The following FBXL17 variants were observed in gnomAD, a reference collection of about 807,000 sequenced individuals.
The protein encoded by FBXL17 is F-box/LRR-repeat protein 17.
Under a neutral mutation model 66.2 loss-of-function variants are expected in FBXL17, and 22 were observed. The observed-to-expected ratio is 0.33, with a 90% CI of 0.24 to 0.47. The LOEUF (loss-of-function observed/expected upper bound fraction) is 0.47, where lower values mean the gene tolerates loss of function less well. Ranked by LOEUF, FBXL17 falls within the 20% of genes least tolerant of loss-of-function variation. The pLI is 1.00. For missense variants in FBXL17, 878 were observed against 948.2 expected, an observed-to-expected ratio of 0.93 and a Z score of 0.97; for synonymous variants, 474 against 400.5, an observed-to-expected ratio of 1.18 and a Z score of -2.19.
chr5:108,380,875 CGGT>C lies in FBXL17; in HGVS notation c.814_816del (p.Thr272del), dbSNP rs1749815477. 8.1e-7 allele frequency: 1 copy of C among 1,241,720 alleles called. No homozygotes were observed. 76.9% of individuals were successfully genotyped at this position (1,241,720 alleles called of 1,614,324 possible). ...GCTCGGACAGCGTCCCCGCCAGCTT[CGGT>C]GGGGGCACCTTCGGAGGTGGGAGAA... On this transcript the variant is annotated inframe_deletion, in exon 1 of 9. Coordinates refer to ENST00000542267, the MANE Select transcript of FBXL17 (RefSeq NM_001163315.3).
intron 4 of FBXL17, among the ~76,000 whole-genome samples, chr5:108,269,263 A>C (rs973511112): frequency 1.3e-5 from 2 of 152,068 alleles, no homozygotes; most frequent in Non-Finnish European, 2.9e-5. Flanking sequence ...CCTCAAAATA[A>C]TCAATATGCC....
chr5:108,167,561 TGAA>T (rs1277539703), intron 6 of FBXL17, among the ~76,000 whole-genome samples: 1 of 152,220 alleles, frequency 6.6e-6, no homozygotes, highest in Non-Finnish European at 1.5e-5. Context: ...CACAGGTATT[TGAA>T]GAAGTCTTTC....
intron 4 of FBXL17, among the ~76,000 whole-genome samples, chr5:108,306,249 T>G (rs180862398): frequency 1.8e-4 from 27 of 152,196 alleles, no homozygotes; most frequent in African/African-American, 5.8e-4. Context: ...CAAGTAGGCC[T>G]AAAGACTTAA....
intron 6 of FBXL17, among the ~76,000 whole-genome samples, chr5:108,036,506 C>T (rs1746846601): frequency 6.6e-6 from 1 of 152,156 alleles, no homozygotes; most frequent in Admixed American, 6.6e-5. Context: ...TTTAAGTTTG[C>T]AACCCCTACG....
chr5:108,364,438 CAA>C (rs1349507790), intron 3 of FBXL17, among the ~76,000 whole-genome samples: 1 of 151,598 alleles, frequency 6.6e-6, no homozygotes, highest in Non-Finnish European at 1.5e-5. Context: ...TCATGCTGAC[CAA>C]AACTACGCAG....
intron 7 of FBXL17, among the ~76,000 whole-genome samples, chr5:107,920,313 T>C (rs1750269790): frequency 1.3e-5 from 2 of 152,138 alleles, no homozygotes; most frequent in African/African-American, 2.4e-5. Context: ...CCAGCAATTC[T>C]CCTACCACAG....
At chr5:108,146,850 G>A (rs1393945446) in intron 6 of FBXL17, among the ~76,000 whole-genome samples, 23 of 152,210 alleles carry the variant, frequency 1.5e-4, no homozygotes, top group Admixed American at 1.4e-3. Context: ...CAGAAGAGCA[G>A]TGTCTTAGTC....
At chr5:108,018,045 G>A (rs1754449944) in intron 7 of FBXL17, among the ~76,000 whole-genome samples, 1 of 151,706 alleles carries the variant, frequency 6.6e-6, no homozygotes, top group Admixed American at 6.6e-5. Flanking sequence ...AATGAAGCCT[G>A]TAAAAAAAAA....
intron 7 of FBXL17, among the ~76,000 whole-genome samples, chr5:107,885,815 A>AC (rs1748948333): frequency 6.6e-6 from 1 of 152,188 alleles, no homozygotes; most frequent in Non-Finnish European, 1.5e-5. Flanking sequence ...GGTAAAAAAT[A>AC]AAGAAGCAGG....
At chr5:108,267,818 A>T (rs1292119660) in intron 4 of FBXL17, among the ~76,000 whole-genome samples, 4 of 151,256 alleles carry the variant, frequency 2.6e-5, no homozygotes, top group Non-Finnish European at 4.4e-5. Context: ...GACAGATTAA[A>T]GAAGGCCTCC....
At chr5:108,316,699 C>T (rs1759380094) in intron 4 of FBXL17, among the ~76,000 whole-genome samples, 1 of 150,992 alleles carries the variant, frequency 6.6e-6, no homozygotes, top group South Asian at 2.1e-4. Flanking sequence ...CATTTTTAAA[C>T]AGTATAATAA....
Position 108,026,430 on chromosome 5 carries a change from T to C in FBXL17, c.1746-5429A>G, listed in dbSNP as rs1227189910. ...TACTTTTTTTGTAAATGCTCTTCTA[T>C]TCAATCCTATTGACAACACAATACC... On this transcript the variant is annotated intron_variant, in intron 6 of 8. Transcript: ENST00000542267. 2.6e-5 allele frequency among the ~76,000 whole-genome samples: 4 copies of C among 152,224 alleles called. No individual in the cohort carries two copies. In the East Asian group the frequency reaches 5.8e-4, roughly 22 times the overall value.
At chr5:108,249,751 C>T (rs934298520) in intron 4 of FBXL17, among the ~76,000 whole-genome samples, 34 of 152,054 alleles carry the variant, frequency 2.2e-4, no homozygotes, top group African/African-American at 7.7e-4. Flanking sequence ...AAAATATAAG[C>T]GACGTATATT....
intron 7 of FBXL17, among the ~76,000 whole-genome samples, chr5:107,945,097 A>G (rs573889659): frequency 6.6e-6 from 1 of 152,260 alleles, no homozygotes; most frequent in East Asian, 1.9e-4. Context: ...TAAATAAAAA[A>G]AAGATATGAA....
At chr5:107,985,147 C>T (rs1316306954) in intron 7 of FBXL17, among the ~76,000 whole-genome samples, 1 of 152,196 alleles carries the variant, frequency 6.6e-6, no homozygotes, top group East Asian at 1.9e-4. Flanking sequence ...CTGCAATCCA[C>T]TGTTCTTAAC....
At chr5:108,007,762 A>G (rs1413990647) in intron 7 of FBXL17, among the ~76,000 whole-genome samples, 1 of 152,272 alleles carries the variant, frequency 6.6e-6, no homozygotes, top group East Asian at 1.9e-4. Flanking sequence ...AGGAACGAAG[A>G]TGAAGCATGA....
Position 107,890,203 on chromosome 5 carries a change from T to C in FBXL17, c.1823-9024A>G, listed in dbSNP as rs531578904. ...GACATTACATTAGATTTCCTCACTT[T>C]ATGAGAAGTGAATTCTGGGTTTAAA... On this transcript the variant is annotated intron_variant, in intron 7 of 8. Coordinates refer to ENST00000542267, the MANE Select transcript of FBXL17 (RefSeq NM_001163315.3). 6.2e-4 allele frequency among the ~76,000 whole-genome samples: 94 copies of C among 152,284 alleles called. No homozygotes were observed. In the South Asian group the frequency reaches 0.014, roughly 23 times the overall value.
intron 7 of FBXL17, among the ~76,000 whole-genome samples, chr5:107,893,548 T>C (rs555862554): frequency 5.9e-5 from 9 of 152,346 alleles, no homozygotes; most frequent in South Asian, 4.1e-4. Context: ...TTACATATTA[T>C]ATAATCCTCA....
chr5:108,177,066 T>C (rs749925244), intron 6 of FBXL17, among the ~76,000 whole-genome samples: 57 of 152,224 alleles, frequency 3.7e-4, no homozygotes, highest in Admixed American at 6.5e-5. Context: ...TAGTCTCCTT[T>C]AATCTGCAAT....
Sources: gnomAD v4.1 joint callset for allele counts (sites outside exome capture counted in the v4.1 genomes callset) on GRCh38, gnomAD v4.1.1 for gene constraint, MANE v1.5 for transcripts, NCBI Gene and HGNC (gene_info 2026-07-23, HGNC 2026-07-21) for gene names.